BCO1: variants seen among roughly 807,000 people sequenced by gnomAD.
The protein encoded by BCO1 is beta-carotene oxygenase 1.
BCO1 carries 54 observed loss-of-function variants against 56.3 expected under a neutral mutation model. The ratio of observed to expected loss-of-function variants is 0.96; its 90% CI spans 0.77 to 1.20. The LOEUF (loss-of-function observed/expected upper bound fraction) is 1.20, where lower values mean the gene tolerates loss of function less well. Among genes scored for constraint, BCO1 ranks in the 50% most tolerant of loss-of-function variants. The pLI is 0.00. For synonymous variants in BCO1, 318 were observed against 266.1 expected (o/e 1.20, Z -1.90); for missense variants, 801 against 690.9 (o/e 1.16, Z -1.79).
In BCO1 at chr16:81,244,447, A is replaced by G. The variant is rs150427946; in HGVS notation, c.65-1028A>G. Among the ~76,000 whole-genome samples the G allele has an allele frequency of 3.6e-3, 519 of 142,558 alleles. 2 individuals carry two copies. The highest frequency in any genetic ancestry group is 6.9e-3 in the Non-Finnish European group (423 of 61,510). The allele number at this position is 142,558 out of a possible 152,430, so 93.5% of individuals were successfully genotyped here. On this transcript the variant is annotated intron_variant, in intron 1 of 10. Transcript: ENST00000258168. Reference sequence around the variant, plus strand: ...GAGATGGTTCACTTTTGTTCATACTAAGTCTTTGAAATCTGGTGTATATTT... The same window carrying G: ...GAGATGGTTCACTTTTGTTCATACTGAGTCTTTGAAATCTGGTGTATATTT...
chr16:81,250,877 G>C (rs1049693123), intron 2 of BCO1, among the ~76,000 whole-genome samples: 1 of 152,118 alleles, frequency 6.6e-6, no homozygotes, highest in Non-Finnish European at 1.5e-5. Flanking sequence ...CACCGCGTCT[G>C]GCCATTCAGT....
intron 10 of BCO1, 47 bp downstream of exon 10, chr16:81,287,453 T>C (rs2150649740): frequency 6.8e-7 from 1 of 1,472,496 alleles, no homozygotes; most frequent in Non-Finnish European, 9.5e-7. Context: ...TTACTGCAGA[T>C]CGCCCTCCAA....
chr16:81,283,907 C>T (rs1908018945), intron 8 of BCO1, among the ~76,000 whole-genome samples: 1 of 151,636 alleles, frequency 6.6e-6, no homozygotes, highest in Non-Finnish European at 1.5e-5. Context: ...CATTTACGGC[C>T]AAGCACGGTG....
intron 7 of BCO1, among the ~76,000 whole-genome samples, chr16:81,272,258 C>T (rs1351186704): frequency 6.6e-6 from 1 of 151,752 alleles, no homozygotes; most frequent in Non-Finnish European, 1.5e-5. Context: ...GGACTACAGA[C>T]ACCTGCCACC....
intron 8 of BCO1, among the ~76,000 whole-genome samples, chr16:81,281,921 A>AT (rs1196986311): frequency 6.6e-6 from 1 of 152,268 alleles, no homozygotes; most frequent in Non-Finnish European, 1.5e-5. Context: ...CTGCCCCAGA[A>AT]TATAAGCCCG....
At position 81,270,125 on chromosome 16, in the gene BCO1, G is replaced by T. The variant is rs933987195; in HGVS notation, c.844-34G>T. The T allele has an allele frequency of 4.3e-6, 7 of 1,613,522 alleles. No individual in the cohort carries two copies. In the East Asian group the frequency reaches 1.1e-4, roughly 26 times the overall value. On this transcript the variant is annotated intron_variant, in intron 6 of 10. Coordinates refer to ENST00000258168, the MANE Select transcript of BCO1 (RefSeq NM_017429.3). ...TGCCACAGTGCCAGGCTGAGAGAGGGTGAGCTGAGCCCTTGATATGTGTCC... is the reference window on the plus strand; with the variant it reads ...TGCCACAGTGCCAGGCTGAGAGAGGTTGAGCTGAGCCCTTGATATGTGTCC...
intron 3 of BCO1, among the ~76,000 whole-genome samples, chr16:81,260,628 C>T (rs1263916119): frequency 6.6e-6 from 1 of 152,184 alleles, no homozygotes; most frequent in Non-Finnish European, 1.5e-5. Flanking sequence ...CCTGCCTCAG[C>T]CTCCCAAGTA....
intron 2 of BCO1, among the ~76,000 whole-genome samples, chr16:81,247,364 G>C (rs1260234229): frequency 6.6e-6 from 1 of 152,016 alleles, no homozygotes; most frequent in Non-Finnish European, 1.5e-5. Flanking sequence ...ATGCTTAAGA[G>C]ATTAAAAATC....
chr16:81,277,452 G>T (rs1482642641), intron 7 of BCO1, among the ~76,000 whole-genome samples: 1 of 152,112 alleles, frequency 6.6e-6, no homozygotes, highest in Admixed American at 6.5e-5. Context: ...GTGTGGCCCT[G>T]GACCAGCCTA....
intron 10 of BCO1, among the ~76,000 whole-genome samples, chr16:81,288,048 C>T (rs961181982): frequency 1.3e-5 from 2 of 152,082 alleles, no homozygotes; most frequent in Non-Finnish European, 2.9e-5. Context: ...CCTGATGTGG[C>T]CCAAGGCCCC....
rs972300811 is a variant in BCO1, at chr16:81,254,341, G to A, written c.194-5335G>A. On this transcript the variant is annotated intron_variant, in intron 2 of 10. Coordinates refer to ENST00000258168, the MANE Select transcript of BCO1 (RefSeq NM_017429.3). Reference sequence around the variant, plus strand: ...TTTTTTTGTATTTTTAGTAGAGACAGGGTTTCACCATGTTGACCAGGCTGG... The same window carrying A: ...TTTTTTTGTATTTTTAGTAGAGACAAGGTTTCACCATGTTGACCAGGCTGG... Among the ~76,000 whole-genome samples, 8 of 123,296 alleles carry A rather than the reference G, an allele frequency of 6.5e-5. No individual in the cohort carries two copies. The South Asian group carries it at 1.5e-3, about 23-fold the overall frequency. 80.9% of individuals were successfully genotyped at this position (123,296 alleles called of 152,430 possible). A position where few individuals can be genotyped will look rare whatever the true frequency, so the allele number is the denominator to read the frequency against.
intron 2 of BCO1, among the ~76,000 whole-genome samples, chr16:81,252,250 T>G (rs1313904617): frequency 1.3e-5 from 2 of 151,862 alleles, no homozygotes; most frequent in Non-Finnish European, 2.9e-5. Context: ...TGTGTGTTTT[T>G]GTTTTGTTTT....
At chr16:81,266,687 T>C (rs2151939782) in intron 5 of BCO1, among the ~76,000 whole-genome samples, 1 of 152,260 alleles carries the variant, frequency 6.6e-6, no homozygotes, top group Non-Finnish European at 1.5e-5. Context: ...AGGAGGACTG[T>C]GAGGCTCAGG....
At chr16:81,262,408 G>A (rs1331624732) in intron 4 of BCO1, 125 bp downstream of exon 4, 7 of 1,017,800 alleles carry the variant, frequency 6.9e-6, no homozygotes, top group African/African-American at 1.6e-5. Flanking sequence ...AACACCGTTG[G>A]ATCCCGTGCC....
chr16:81,268,939 G>C (rs1907005705), intron 6 of BCO1, among the ~76,000 whole-genome samples: 1 of 151,636 alleles, frequency 6.6e-6, no homozygotes, highest in Non-Finnish European at 1.5e-5. Flanking sequence ...CTAATTTTTT[G>C]TTGTTTTGTA....
intron 9 of BCO1, among the ~76,000 whole-genome samples, chr16:81,286,745 G>C (rs1396747159): frequency 6.6e-6 from 1 of 152,046 alleles, no homozygotes; most frequent in Non-Finnish European, 1.5e-5. Flanking sequence ...TCCTTCTACA[G>C]TATCAGCTAC....
In BCO1 at chr16:81,246,850, C is replaced by CAAAAAAAAAAAA. The variant is rs71710906; in HGVS notation, c.193+1254_193+1265dup. Among the ~76,000 whole-genome samples the CAAAAAAAAAAAA allele has an allele frequency of 1.5e-3, 128 of 83,310 alleles. 3 individuals are homozygous for CAAAAAAAAAAAA. Among genetic ancestry groups the CAAAAAAAAAAAA allele is most frequent in the African/African-American group, 4.4e-3 (106 of 23,866 alleles). The allele number at this position is 83,310 out of a possible 152,430, so 54.7% of individuals were successfully genotyped here. ...TGGGAGACAGAGCCAGACTTTGTCT[C>CAAAAAAAAAAAA]AAAAAAAAAAAAAAAAAAGAAGAGT... On this transcript the variant is annotated intron_variant, in intron 2 of 10. Coordinates refer to ENST00000258168, the MANE Select transcript of BCO1 (RefSeq NM_017429.3).
At chr16:81,281,376 G>A (rs1041315765) in intron 8 of BCO1, among the ~76,000 whole-genome samples, 2 of 152,198 alleles carry the variant, frequency 1.3e-5, no homozygotes, top group African/African-American at 4.8e-5. Flanking sequence ...AGCCCAGGAG[G>A]TGGAGATTGC....
At chr16:81,276,992 G>C (rs866214925) in intron 7 of BCO1, among the ~76,000 whole-genome samples, 1 of 151,370 alleles carries the variant, frequency 6.6e-6, no homozygotes, top group Non-Finnish European at 1.5e-5. Context: ...GCTCGAACCC[G>C]GGAGGCGGAG....
Sources: gnomAD v4.1 joint callset for allele counts (sites outside exome capture counted in the v4.1 genomes callset) on GRCh38, gnomAD v4.1.1 for gene constraint, MANE v1.5 for transcripts, NCBI Gene and HGNC (gene_info 2026-07-23, HGNC 2026-07-21) for gene names.